SAMD8: variants seen among roughly 807,000 people sequenced by gnomAD.
SAMD8 encodes the protein sterile alpha motif domain containing 8.
A neutral mutation model predicts 42.0 loss-of-function variants in SAMD8; 20 were observed. The ratio of observed to expected loss-of-function variants is 0.48; its 90% confidence interval spans 0.34 to 0.69. The LOEUF is 0.69. SAMD8 is among the 30% of genes least tolerant of loss of function. The pLI is 0.01. For missense variants in SAMD8, 328 were observed against 511.6 expected (o/e 0.64, Z 3.46); for synonymous variants, 162 against 173.0 (o/e 0.94, Z 0.50).
chr10:75,148,127 G>A (rs1840186408), intron 1 of SAMD8, among the ~76,000 whole-genome samples: 1 of 151,994 alleles, frequency 6.6e-6, no homozygotes, highest in Admixed American at 6.5e-5. Context: ...CAAAAATTAC[G>A]ATTGCTTTTA....
At chr10:75,158,603 T>C (rs905357914) in intron 2 of SAMD8, among the ~76,000 whole-genome samples, 1 of 151,816 alleles carries the variant, frequency 6.6e-6, no homozygotes, top group African/African-American at 2.4e-5. Context: ...AAAAAAATAA[T>C]AATAAAGTAT....
In SAMD8 at chr10:75,181,234, T is replaced by G. The variant is rs573169432; in HGVS notation, c.*4542T>G. The G allele has an allele frequency of 6.6e-6, 1 of 152,338 alleles. No homozygotes were observed. Among genetic ancestry groups the G allele is most frequent in the African/African-American group, 2.4e-5 (1 of 41,572 alleles). The allele number at this position is 152,338 out of a possible 1,614,324, so 9.4% of individuals were successfully genotyped here. The stretch of plus-strand genomic sequence containing the variant: ...AACTTGACAGTTTAACAGTTAGTGT[T>G]TGTAAGCAGTTTAGCCTGAATTATC... On this transcript the variant is annotated 3_prime_UTR_variant, in exon 6 of 6. Transcript: ENST00000542569.
chr10:75,145,226 T>G (rs1056918981), intron 1 of SAMD8, among the ~76,000 whole-genome samples: 1 of 152,214 alleles, frequency 6.6e-6, no homozygotes, highest in Admixed American at 6.5e-5. Flanking sequence ...ATTACAGGCG[T>G]GAGCCACCAC....
At chr10:75,107,976 G>T, upstream of SAMD8, 1 of 1,603,036 alleles carries the variant, frequency 6.2e-7, no homozygotes, top group East Asian at 2.3e-5. Flanking sequence ...ATATGGGCTT[G>T]GACCCCAAGT....
intron 1 of SAMD8, among the ~76,000 whole-genome samples, chr10:75,121,483 T>G (rs1849003858): frequency 6.6e-6 from 1 of 152,170 alleles, no homozygotes; most frequent in Non-Finnish European, 1.5e-5. Flanking sequence ...ACACAACACG[T>G]TTAATGTTTC....
intron 1 of SAMD8, 104 bp from the exon 2 acceptor site, chr10:75,150,410 A>G: frequency 6.8e-7 from 1 of 1,463,408 alleles, no homozygotes; most frequent in Non-Finnish European, 9.0e-7. Context: ...GGCATGAGCC[A>G]CTGCGCCTGG....
At chr10:75,120,738 C>T (rs181963354) in intron 1 of SAMD8, among the ~76,000 whole-genome samples, 61 of 144,222 alleles carry the variant, frequency 4.2e-4, no homozygotes, top group African/African-American at 1.5e-3. Flanking sequence ...GTTTATGTAG[C>T]TTAATTACGT....
intron 4 of SAMD8, among the ~76,000 whole-genome samples, chr10:75,173,895 A>G (rs1478565996): frequency 6.6e-6 from 1 of 152,176 alleles, no homozygotes; most frequent in Non-Finnish European, 1.5e-5. Flanking sequence ...CTTACTAGCT[A>G]TGTGACCTCT....
chr10:75,161,307 C>T (rs1017202767), intron 2 of SAMD8, among the ~76,000 whole-genome samples: 5 of 152,160 alleles, frequency 3.3e-5, no homozygotes, highest in African/African-American at 4.8e-5. Flanking sequence ...TACCCAACCC[C>T]AGCCTTCCAA....
At chr10:75,145,475 C>G (rs986149055) in intron 1 of SAMD8, among the ~76,000 whole-genome samples, 4 of 152,088 alleles carry the variant, frequency 2.6e-5, no homozygotes, top group Non-Finnish European at 4.4e-5. Flanking sequence ...TTGTTGGGCT[C>G]TAGATACTTT....
intron 1 of SAMD8, among the ~76,000 whole-genome samples, chr10:75,119,400 G>T (rs1253953767): frequency 6.6e-6 from 1 of 152,092 alleles, no homozygotes; most frequent in Non-Finnish European, 1.5e-5. Flanking sequence ...CAGGTGACCT[G>T]CCCGCCTTGG....
At chr10:75,130,567 T>C (rs1849253145) in intron 1 of SAMD8, among the ~76,000 whole-genome samples, 1 of 152,126 alleles carries the variant, frequency 6.6e-6, no homozygotes, top group Non-Finnish European at 1.5e-5. Flanking sequence ...GTAGCTTTAT[T>C]TTCAACCCAT....
chr10:75,179,568 G>T lies in SAMD8; in HGVS notation c.*2876G>T, dbSNP rs1414783557. Reference sequence around the variant, plus strand: ...ATGTTTTGAGAAAAATGTAAGTTAGGTATAACTTATTGTTTTAACTATTAT... The same window carrying T: ...ATGTTTTGAGAAAAATGTAAGTTAGTTATAACTTATTGTTTTAACTATTAT... On this transcript the variant is annotated 3_prime_UTR_variant, in exon 6 of 6. Transcript: ENST00000542569. The T allele has an allele frequency of 1.3e-5, 2 of 152,142 alleles. No individual in the cohort carries two copies. Among genetic ancestry groups the T allele is most frequent in the Non-Finnish European group, 2.9e-5 (2 of 68,034 alleles). The allele number at this position is 152,142 out of a possible 1,614,324, so 9.4% of individuals were successfully genotyped here.
In SAMD8 at chr10:75,181,416, AC is replaced by A. The variant is rs1841078952; in HGVS notation, c.*4729del. On this transcript the variant is annotated 3_prime_UTR_variant, in exon 6 of 6. Transcript: ENST00000542569. ...AAATTAGTATGAAACTAGGTTTTGG[AC>A]CCCCTTCTCACCTCACCCGGATGTA... 1 of 150,796 alleles carries A rather than the reference AC, an allele frequency of 6.6e-6. No individual in the cohort carries two copies. The highest frequency in any genetic ancestry group is 2.1e-4 in the South Asian group (1 of 4,780). The allele number at this position is 150,796 out of a possible 1,614,324, so 9.3% of individuals were successfully genotyped here.
chr10:75,168,710 C>G, intron 4 of SAMD8, 52 bp downstream of exon 4: 1 of 1,117,020 alleles, frequency 9.0e-7, no homozygotes, highest in Non-Finnish European at 1.4e-6. Flanking sequence ...TGATGGCACA[C>G]TATATGCAAT....
intron 2 of SAMD8, among the ~76,000 whole-genome samples, chr10:75,160,346 G>A (rs909581997): frequency 8.7e-5 from 13 of 150,278 alleles, no homozygotes; most frequent in African/African-American, 2.9e-4. Flanking sequence ...ACAGGCGCCC[G>A]CCACCACGCC....
In SAMD8 at chr10:75,132,887, GC is replaced by G. The variant is rs1325415244; in HGVS notation, c.-15-17626del. 2.0e-5 allele frequency among the ~76,000 whole-genome samples: 3 copies of G among 152,290 alleles called. No homozygotes were observed. In the South Asian group the frequency reaches 6.2e-4, roughly 32 times the overall value. On this transcript the variant is annotated intron_variant, in intron 1 of 5. Transcript: ENST00000542569. ...ACCTGTGGTCCCAGCTACTCAGGAA[GC>G]TGAGGTGGGAAGATCCCTTGGGCCT...
intron 1 of SAMD8, among the ~76,000 whole-genome samples, chr10:75,149,691 A>C (rs1840235912): frequency 1.3e-5 from 2 of 152,210 alleles, no homozygotes; most frequent in Admixed American, 1.3e-4. Flanking sequence ...TTCCATGAAC[A>C]TGGAGATTTC....
chr10:75,139,545 G>T (rs183458877), intron 1 of SAMD8, among the ~76,000 whole-genome samples: 4 of 152,264 alleles, frequency 2.6e-5, no homozygotes, highest in Non-Finnish European at 4.4e-5. Flanking sequence ...CAGGACTCAT[G>T]CAATAATGTT....
Sources: allele counts gnomAD v4.1 joint callset (sites outside exome capture counted in the v4.1 genomes callset), GRCh38; gene constraint gnomAD v4.1.1; transcripts MANE v1.5; gene names NCBI Gene and HGNC (gene_info 2026-07-23, HGNC 2026-07-21).